Variants in LRCH1 observed in about 807,000 individuals in gnomAD.
The protein encoded by LRCH1 is leucine rich repeats and calponin homology domain containing 1, also known as leucine-rich repeat and calponin homology domain-containing protein 1.
Under a neutral mutation model 94.9 loss-of-function variants are expected in LRCH1, and 23 were observed. That is an observed-to-expected ratio of 0.24 (90% CI 0.17 to 0.34). The LOEUF (loss-of-function observed/expected upper bound fraction) is 0.34. Ranked by LOEUF, LRCH1 falls within the 10% of genes least tolerant of loss-of-function variation. The pLI is 1.00. For missense variants in LRCH1, 790 were observed against 945.9 expected (o/e 0.84, Z 2.16); for synonymous variants, 364 against 354.9 (o/e 1.03, Z -0.29).
At chr13:46,682,996 T>A (rs1269383944) in intron 4 of LRCH1, among the ~76,000 whole-genome samples, 1 of 152,240 alleles carries the variant, frequency 6.6e-6, no homozygotes, top group Non-Finnish European at 1.5e-5. Context: ...CTGAATGCTT[T>A]CTCCAAAGCA....
At chr13:46,606,146 T>TTGTGTGTGTGTGTGTG (rs1555272309) in intron 1 of LRCH1, among the ~76,000 whole-genome samples, 3 of 103,868 alleles carry the variant, frequency 2.9e-5, no homozygotes, top group African/African-American at 1.1e-4. Flanking sequence ...AATTTTAACC[T>TTGTGTGTGTGTGTGTG]TATGTGTGTG....
At chr13:46,732,867 C>G (rs957734097) in intron 18 of LRCH1, among the ~76,000 whole-genome samples, 4 of 152,186 alleles carry the variant, frequency 2.6e-5, no homozygotes, top group Non-Finnish European at 4.4e-5. Context: ...GGCGACATCT[C>G]TTTAGGGCCC....
chr13:46,636,059 CTTTTTTTTTTT>C (rs34118906), intron 1 of LRCH1, among the ~76,000 whole-genome samples: 5 of 73,584 alleles, frequency 6.8e-5, no homozygotes, highest in Admixed American at 2.2e-4. Flanking sequence ...CCATGTCAAC[CTTTTTTTTTTT>C]TTTTTTTTTT....
chr13:46,736,154 G>GTGTGTGTGTGTGTT (rs1427759338), intron 19 of LRCH1, among the ~76,000 whole-genome samples: 1 of 151,244 alleles, frequency 6.6e-6, no homozygotes, highest in Non-Finnish European at 1.5e-5. Flanking sequence ...GTGTGTGTGT[G>GTGTGTGTGTGTGTT]TACACATATA....
At chr13:46,749,250 C>T (rs547677350), downstream of LRCH1, among the ~76,000 whole-genome samples, 3 of 152,238 alleles carry the variant, frequency 2.0e-5, no homozygotes, top group African/African-American at 7.2e-5. Flanking sequence ...ATGGATGAAC[C>T]TAGACGATAT....
chr13:46,710,554 A>G (rs1872008336), intron 13 of LRCH1, among the ~76,000 whole-genome samples: 3 of 152,180 alleles, frequency 2.0e-5, no homozygotes, highest in Admixed American at 6.5e-5. Context: ...AGACGATAGG[A>G]CAAACTAGAG....
At chr13:46,729,058 C>T in intron 18 of LRCH1, 74 bp downstream of exon 18, 1 of 1,428,252 alleles carries the variant, frequency 7.0e-7, no homozygotes, top group Non-Finnish European at 9.5e-7. Context: ...TTTAGGATGT[C>T]AATGGTGTCA....
At chr13:46,649,935 AATTTTT>A (rs2051271045) in intron 1 of LRCH1, among the ~76,000 whole-genome samples, 1 of 152,194 alleles carries the variant, frequency 6.6e-6, no homozygotes, top group African/African-American at 2.4e-5. Context: ...AGTTGGACAT[AATTTTT>A]AGTTACAGTA....
At chr13:46,574,995 T>A (rs771863227) in intron 1 of LRCH1, among the ~76,000 whole-genome samples, 11 of 152,138 alleles carry the variant, frequency 7.2e-5, no homozygotes, top group Non-Finnish European at 1.3e-4. Context: ...ATAAGCACAT[T>A]CTGGAATATT....
chr13:46,553,564 C>G lies in LRCH1; in HGVS notation c.168C>G (p.Asn56Lys). ...GGGGGGSGGF[N>K]LPLNRGLERA... ...GCGGCGGTGGCAGCGGGGGCTTCAA[C>G]CTGCCCTTGAACCGGGGTCTGGAGC... The change falls in exon 1 of 20, where the codon AAC becomes AAG. Residue 56 changes from asparagine to lysine, a missense_variant. By Grantham distance (94) the Asn-to-Lys change is moderately conservative. Transcript: ENST00000389797. The G allele has an allele frequency of 1.3e-6, 2 of 1,548,966 alleles. No homozygotes were observed. Among genetic ancestry groups the G allele is most frequent in the Non-Finnish European group, 1.7e-6 (2 of 1,146,126 alleles).
In LRCH1 at chr13:46,742,484, G is replaced by A. The variant is rs1015998805; in HGVS notation, c.*636G>A. The A allele has an allele frequency of 1.1e-5, 11 of 985,700 alleles. No individual in the cohort carries two copies. The highest frequency in any genetic ancestry group is 8.7e-5 in the African/African-American group (5 of 57,216). The allele number at this position is 985,700 out of a possible 1,614,324, so 61.1% of individuals were successfully genotyped here. A position where few individuals can be genotyped will look rare whatever the true frequency, so the allele number is the denominator to read the frequency against. On this transcript the variant is annotated 3_prime_UTR_variant, in exon 20 of 20. Transcript: ENST00000389797. ...GCGAAGGGCGCTGGGCAGTGTGGCCGCCAACTTCCACCCCGGCAAGCCCCT... is the reference window on the plus strand; with the variant it reads ...GCGAAGGGCGCTGGGCAGTGTGGCCACCAACTTCCACCCCGGCAAGCCCCT...
intron 1 of LRCH1, among the ~76,000 whole-genome samples, chr13:46,582,149 C>CAA (rs11387752): frequency 0.073 from 7,632 of 103,952 alleles, 432 homozygotes; most frequent in Non-Finnish European, 0.1. Context: ...GACTCCATCT[C>CAA]AAAAAAAAAA....
chr13:46,578,331 C>T (rs2050326167), intron 1 of LRCH1, among the ~76,000 whole-genome samples: 2 of 152,206 alleles, frequency 1.3e-5, no homozygotes, highest in East Asian at 1.9e-4. Context: ...GGCCCTGCTT[C>T]CCCATCAGTT....
chr13:46,638,829 G>A (rs888784297), intron 1 of LRCH1, among the ~76,000 whole-genome samples: 3 of 152,166 alleles, frequency 2.0e-5, no homozygotes, highest in Non-Finnish European at 2.9e-5. Flanking sequence ...ATACGTGGAC[G>A]TGCTGTTTAT....
chr13:46,599,154 C>T (rs1007592856), intron 1 of LRCH1, among the ~76,000 whole-genome samples: 1 of 152,204 alleles, frequency 6.6e-6, no homozygotes, highest in Non-Finnish European at 1.5e-5. Context: ...TCCATCCATA[C>T]TGTAGCAGGT....
At chr13:46,667,612 C>T (rs1044986294) in intron 2 of LRCH1, among the ~76,000 whole-genome samples, 6 of 151,392 alleles carry the variant, frequency 4.0e-5, no homozygotes, top group Admixed American at 2.0e-4. Context: ...ACCAACATGG[C>T]GCATGTATAC....
At chr13:46,750,658 C>G in exon 19 of LRCH1, 1 of 1,533,170 alleles carries the variant, frequency 6.5e-7, no homozygotes, top group Non-Finnish European at 8.8e-7. Context: ...TGAAACTACC[C>G]CTTCTCCATT....
chr13:46,742,194 G>T lies in LRCH1; in HGVS notation c.*346G>T, dbSNP rs997159004. Reference sequence around the variant, plus strand: ...TGGGCAGAGGGGAGGAGAATTCCAGGACAAGAGTGTCAAGGACAGGGATTT... The same window carrying T: ...TGGGCAGAGGGGAGGAGAATTCCAGTACAAGAGTGTCAAGGACAGGGATTT... On this transcript the variant is annotated 3_prime_UTR_variant, in exon 20 of 20. Coordinates refer to ENST00000389797, the MANE Select transcript of LRCH1 (RefSeq NM_001164211.2). 6.8e-5 allele frequency: 78 copies of T among 1,139,670 alleles called. No homozygotes were observed. Among genetic ancestry groups the T allele is most frequent in the Admixed American group, 6.2e-4 (14 of 22,422 alleles). The allele number at this position is 1,139,670 out of a possible 1,614,324, so 70.6% of individuals were successfully genotyped here. A position where few individuals can be genotyped will look rare whatever the true frequency, so the allele number is the denominator to read the frequency against.
chr13:46,624,931 A>T lies in LRCH1; in HGVS notation c.308-25270A>T, dbSNP rs546458895. Among the ~76,000 whole-genome samples the T allele has an allele frequency of 9.9e-5, 15 of 152,160 alleles. No homozygotes were observed. The South Asian group carries it at 3.1e-3, about 32-fold the overall frequency. ...AATCAGTAATCTTCCTTCCATTGAG[A>T]TTCTTCCTGTTACTTTCTTATTTAA... On this transcript the variant is annotated intron_variant, in intron 1 of 19. Coordinates refer to ENST00000389797, the MANE Select transcript of LRCH1 (RefSeq NM_001164211.2).
Sources: allele counts gnomAD v4.1 joint callset (sites outside exome capture counted in the v4.1 genomes callset), GRCh38; gene constraint gnomAD v4.1.1; transcripts MANE v1.5; gene names NCBI Gene and HGNC (gene_info 2026-07-23, HGNC 2026-07-21).